PLXNA4: variants seen among roughly 807,000 people sequenced by gnomAD.
PLXNA4 encodes plexin-A4.
Under a neutral mutation model 191.8 loss-of-function variants are expected in PLXNA4, and 44 were observed. The observed-to-expected ratio is 0.23, with a 90% CI of 0.18 to 0.29. The LOEUF (loss-of-function observed/expected upper bound fraction) is 0.29, where lower values mean the gene tolerates loss of function less well. Among genes scored for constraint, PLXNA4 ranks in the 10% least tolerant of loss-of-function variants. The probability of loss-of-function intolerance (pLI) is 1.00; values close to 1 mark genes in which losing one functional copy is unlikely to be tolerated. For missense variants in PLXNA4, 1,800 were observed against 2,488.8 expected, an observed-to-expected ratio of 0.72 and a Z score of 5.89; for synonymous variants, 1,082 against 1,009.5, an observed-to-expected ratio of 1.07 and a Z score of -1.36.
intron 9 of PLXNA4, among the ~76,000 whole-genome samples, chr7:132,216,469 T>C (rs1247693855): frequency 6.6e-6 from 1 of 152,104 alleles, no homozygotes; most frequent in African/African-American, 2.4e-5. Flanking sequence ...CAGGGACATG[T>C]TTTAATATTT....
intron 1 of PLXNA4, among the ~76,000 whole-genome samples, chr7:132,557,145 A>G (rs936301262): frequency 6.6e-6 from 1 of 152,226 alleles, no homozygotes; most frequent in African/African-American, 2.4e-5. Context: ...GAATTTTGAC[A>G]TTGGGCTTTG....
chr7:132,175,701 C>T (rs1041342178), intron 20 of PLXNA4, among the ~76,000 whole-genome samples: 1 of 152,202 alleles, frequency 6.6e-6, no homozygotes. Flanking sequence ...ATATTCCGTT[C>T]TGGAAACATC....
chr7:132,240,979 G>C, intron 5 of PLXNA4, 87 bp downstream of exon 5: 1 of 871,974 alleles, frequency 1.1e-6, no homozygotes, highest in Non-Finnish European at 1.7e-6. Flanking sequence ...ACAGATCAAA[G>C]GGAAGGGCAG....
intron 4 of PLXNA4, among the ~76,000 whole-genome samples, chr7:132,257,108 G>A (rs1799459790): frequency 6.6e-6 from 1 of 152,204 alleles, no homozygotes; most frequent in Admixed American, 6.5e-5. Context: ...CCTAACACAA[G>A]GTGTCTGTGA....
At chr7:132,535,611 C>T (rs1799800980) in intron 1 of PLXNA4, among the ~76,000 whole-genome samples, 1 of 152,196 alleles carries the variant, frequency 6.6e-6, no homozygotes, top group Non-Finnish European at 1.5e-5. Flanking sequence ...CCATAGCCCA[C>T]ACCTCACTGT....
At chr7:132,181,033 T>G (rs528821865) in intron 18 of PLXNA4, among the ~76,000 whole-genome samples, 30 of 152,328 alleles carry the variant, frequency 2.0e-4, no homozygotes, top group African/African-American at 6.7e-4. Context: ...AAGCTTTAAT[T>G]AACCTGTAAC....
intron 2 of PLXNA4, among the ~76,000 whole-genome samples, chr7:132,599,691 TTTTC>T (rs1340746174): frequency 6.6e-6 from 1 of 152,236 alleles, no homozygotes; most frequent in South Asian, 2.1e-4. Flanking sequence ...CCCCTTTTTT[TTTTC>T]TTTTTTTATA....
At chr7:132,303,676 C>T (rs944637028) in intron 3 of PLXNA4, among the ~76,000 whole-genome samples, 1 of 152,198 alleles carries the variant, frequency 6.6e-6, no homozygotes, top group Non-Finnish European at 1.5e-5. Context: ...CATCCCAATC[C>T]TGTGTGTCCC....
At position 132,168,696 on chromosome 7, in the gene PLXNA4, G is replaced by T; in HGVS notation, c.4018-124C>A. The T allele has an allele frequency of 2.9e-6, 4 of 1,359,140 alleles. No homozygotes were observed. In the South Asian group the frequency reaches 4.9e-5, roughly 17 times the overall value. 84.2% of individuals were successfully genotyped at this position (1,359,140 alleles called of 1,614,324 possible). The stretch of plus-strand genomic sequence containing the variant: ...CACCAATTAAGCCACAGTCCACCTG[G>T]CTAATGCTGTCAAGCCCTTAGCACT... On this transcript the variant is annotated intron_variant, in intron 21 of 31. Coordinates refer to ENST00000321063, the MANE Select transcript of PLXNA4 (RefSeq NM_020911.2).
intron 3 of PLXNA4, among the ~76,000 whole-genome samples, chr7:132,476,069 G>A (rs537550116): frequency 7.2e-5 from 11 of 152,290 alleles, no homozygotes; most frequent in Non-Finnish European, 1.5e-4. Context: ...CTCCCTGTGC[G>A]TGGGTGAACA....
At chr7:132,334,733 T>C (rs1802749567) in intron 3 of PLXNA4, among the ~76,000 whole-genome samples, 2 of 152,144 alleles carry the variant, frequency 1.3e-5, no homozygotes, top group South Asian at 4.2e-4. Context: ...CTCCCATTCA[T>C]GTGGATAATA....
At chr7:132,415,472 G>T (rs1794629454) in intron 3 of PLXNA4, among the ~76,000 whole-genome samples, 1 of 152,196 alleles carries the variant, frequency 6.6e-6, no homozygotes, top group African/African-American at 2.4e-5. Context: ...TATCAGGAGA[G>T]CTGGGCAAAC....
At chr7:132,253,712 G>T (rs1799334859) in intron 4 of PLXNA4, among the ~76,000 whole-genome samples, 1 of 152,106 alleles carries the variant, frequency 6.6e-6, no homozygotes, top group South Asian at 2.1e-4. Context: ...TCCCATATTG[G>T]GTGGGAAAGT....
chr7:132,320,914 C>T (rs1018758397), intron 3 of PLXNA4, among the ~76,000 whole-genome samples: 4 of 152,140 alleles, frequency 2.6e-5, no homozygotes, highest in African/African-American at 9.7e-5. Context: ...AATGACTGCT[C>T]CCGCGGCAGG....
At chr7:132,293,840 T>G (rs905777536) in intron 4 of PLXNA4, among the ~76,000 whole-genome samples, 5 of 152,168 alleles carry the variant, frequency 3.3e-5, no homozygotes, top group Non-Finnish European at 7.4e-5. Flanking sequence ...TGCTAGTATG[T>G]TTCATGTTAG....
intron 2 of PLXNA4, among the ~76,000 whole-genome samples, chr7:132,605,413 T>G (rs1802904683): frequency 3.3e-5 from 5 of 151,986 alleles, no homozygotes; most frequent in Admixed American, 3.3e-4. Context: ...TCCCCAGGAT[T>G]TGGGGACAAG....
At chr7:132,538,146 G>A (rs1259738414) in intron 1 of PLXNA4, among the ~76,000 whole-genome samples, 1 of 152,212 alleles carries the variant, frequency 6.6e-6, no homozygotes, top group Non-Finnish European at 1.5e-5. Flanking sequence ...TGCAGACACA[G>A]GGTGGCAGTG....
intron 3 of PLXNA4, among the ~76,000 whole-genome samples, chr7:132,483,069 C>G (rs528471208): frequency 7.9e-5 from 12 of 152,276 alleles, no homozygotes; most frequent in Non-Finnish European, 1.2e-4. Flanking sequence ...ACCATGACAT[C>G]ATCAATAAGC....
At position 132,566,932 on chromosome 7, in the gene PLXNA4, A is replaced by T. The variant is rs150274501; in HGVS notation, c.-87+9490T>A. Among the ~76,000 whole-genome samples the T allele has an allele frequency of 1.6e-4, 25 of 152,326 alleles. No homozygotes were observed. In the East Asian group the frequency reaches 4.0e-3, roughly 25 times the overall value. ...CTACAAGTCCCTATTTTATCAGTAC[A>T]GTGAATTCATTCTTCTGGTTTTTTC... On this transcript the variant is annotated intron_variant, in intron 1 of 31. Coordinates refer to ENST00000321063, the MANE Select transcript of PLXNA4 (RefSeq NM_020911.2).
Sources: gnomAD v4.1 joint callset for allele counts (sites outside exome capture counted in the v4.1 genomes callset) on GRCh38, gnomAD v4.1.1 for gene constraint, MANE v1.5 for transcripts, NCBI Gene and HGNC (gene_info 2026-07-23, HGNC 2026-07-21) for gene names.